The following LY75 variants were observed in gnomAD, a reference collection of about 807,000 sequenced individuals.
The protein encoded by LY75 is lymphocyte antigen 75.
LY75 carries 185 observed loss-of-function variants against 231.7 expected under a neutral mutation model. The ratio of observed to expected loss-of-function variants is 0.80; its 90% CI spans 0.71 to 0.90. LY75 has a LOEUF of 0.90. LY75 is among the 40% of genes least tolerant of loss of function. LY75 has a pLI of 0.00. For missense variants in LY75, 1,947 were observed against 2,050.2 expected, an observed-to-expected ratio of 0.95 and a Z score of 0.97; for synonymous variants, 668 against 689.0, an observed-to-expected ratio of 0.97 and a Z score of 0.48.
intron 12 of LY75, among the ~76,000 whole-genome samples, chr2:159,874,135 C>CGTATATATATTTTGTGAATATATATAAA: frequency 1.1e-5 from 1 of 92,086 alleles, no homozygotes; most frequent in East Asian, 3.7e-4. Context: ...AATATATAAA[C>CGTATATATATTTTGTGAATATATATAAA]GTATATATAT....
intron 23 of LY75, among the ~76,000 whole-genome samples, chr2:159,849,133 G>C (rs1684305040): frequency 6.6e-6 from 1 of 152,104 alleles, no homozygotes; most frequent in Non-Finnish European, 1.5e-5. Context: ...ATTGTACATA[G>C]TTACTCACGA....
In LY75 at chr2:159,875,432, A is replaced by G. The variant is rs777857901; in HGVS notation, c.1974+12T>C. ...AACTTCATTGAAGGATAGAATGAGA[A>G]TGTCACTTTACCTTATAACAAGAAA... On this transcript the variant is annotated intron_variant, in intron 12 of 34. Coordinates refer to ENST00000263636, the MANE Select transcript of LY75 (RefSeq NM_002349.4). 6.2e-7 allele frequency: 1 copy of G among 1,609,406 alleles called. No homozygotes were observed. The highest frequency in any genetic ancestry group is 1.7e-5 in the Admixed American group (1 of 58,844).
intron 12 of LY75, among the ~76,000 whole-genome samples, chr2:159,873,351 T>A (rs1685075797): frequency 6.6e-6 from 1 of 152,112 alleles, no homozygotes; most frequent in South Asian, 2.1e-4. Flanking sequence ...TGACTTACTG[T>A]GTTGATGGGA....
Position 159,815,546 on chromosome 2 carries a change from C to T in LY75, c.4408G>A (p.Asp1470Asn). ...DGSESSFEWS[D>N]GSTFDYIPWK... The stretch of plus-strand genomic sequence containing the variant: ...GGGATATAGTCAAATGTACTACCAT[C>T]AGACCATTCAAAACTTGATTCACTT... Residue 1470 changes from aspartate (D) to asparagine (N), a missense_variant, in exon 31 of 35, where the codon GAT becomes AAT. Coordinates refer to ENST00000263636, the MANE Select transcript of LY75 (RefSeq NM_002349.4). 6.2e-7 allele frequency: 1 copy of T among 1,612,832 alleles called. No homozygotes were observed. The highest frequency in any genetic ancestry group is 8.5e-7 in the Non-Finnish European group (1 of 1,179,780).
chr2:159,878,363 G>C lies in LY75; in HGVS notation c.1735C>G (p.Arg579Gly), dbSNP rs545499741. 6.2e-7 allele frequency: 1 copy of C among 1,613,974 alleles called. No homozygotes were observed. Among genetic ancestry groups the C allele is most frequent in the African/African-American group, 1.3e-5 (1 of 74,998 alleles). Reference sequence around the variant, plus strand: ...TTCCAGTTGGAAAAGGTTACAGCCCGCCTTCTTCCACCAACAGTTGCCCAG... The same window carrying C: ...TTCCAGTTGGAAAAGGTTACAGCCCCCCTTCTTCCACCAACAGTTGCCCAG... ...YNWATVGGRR[R>G]AVTFSNWNFL... Residue 579 changes from arginine (R) to glycine (G), a missense_variant, in exon 11 of 35, where the codon CGG becomes GGG. By Grantham distance (125) the Arg-to-Gly change is moderately radical. Coordinates refer to ENST00000263636, the MANE Select transcript of LY75 (RefSeq NM_002349.4).
chr2:159,817,151 G>A lies in LY75; in HGVS notation c.4154-119C>T, dbSNP rs1309668679. 5.7e-6 allele frequency: 6 copies of A among 1,045,682 alleles called. No individual in the cohort carries two copies. The East Asian group carries it at 1.6e-4, about 28-fold the overall frequency. The allele number at this position is 1,045,682 out of a possible 1,614,324, so 64.8% of individuals were successfully genotyped here. ...AAAACTGGGTTTCTTATTAATAAGGGAGGTCAAATGTATATTTTATTTTTC... is the reference window on the plus strand; with the variant it reads ...AAAACTGGGTTTCTTATTAATAAGGAAGGTCAAATGTATATTTTATTTTTC... On this transcript the variant is annotated intron_variant, in intron 29 of 34. Coordinates refer to ENST00000263636, the MANE Select transcript of LY75 (RefSeq NM_002349.4).
Position 159,890,306 on chromosome 2 carries a change from C to A in LY75, c.709G>T (p.Ala237Ser). The A allele has an allele frequency of 6.2e-7, 1 of 1,613,454 alleles. No homozygotes were observed. The highest frequency in any genetic ancestry group is 1.1e-5 in the South Asian group (1 of 91,076). Residue 237 changes from alanine (A) to serine (S), a missense_variant, in exon 4 of 35, where the codon GCT (alanine) becomes TCT (serine). Physicochemically the swap from Ala to Ser is moderately conservative, Grantham distance 99. Coordinates refer to ENST00000263636, the MANE Select transcript of LY75 (RefSeq NM_002349.4). ...GSCYQFNTQT[A>S]LSWKEAYVSC... is the part of the protein sequence containing the mutation. ...ACATAAGCTTCTTTCCAAGAAAGAG[C>A]CGTCTGAGTATTAAATTGGTAGCAA...
intron 1 of LY75, chr2:159,903,446 T>C (rs1282014256): frequency 6.6e-6 from 1 of 152,194 alleles, no homozygotes; most frequent in Non-Finnish European, 1.5e-5. Context: ...CTTTTGGTAG[T>C]TCCTAGCACA....
At chr2:159,870,616 T>C (rs1684983256) in intron 13 of LY75, among the ~76,000 whole-genome samples, 1 of 152,024 alleles carries the variant, frequency 6.6e-6, no homozygotes, top group African/African-American at 2.4e-5. Flanking sequence ...GTGATCCTCC[T>C]GACTCAGCCT....
chr2:159,874,083 C>A lies in LY75; in HGVS notation c.1974+1361G>T, dbSNP rs1405640708. On this transcript the variant is annotated intron_variant, in intron 12 of 34. Coordinates refer to ENST00000263636, the MANE Select transcript of LY75 (RefSeq NM_002349.4). ...TATATATTTTGTAAAAATATATAAA[C>A]GTATATATTTTGTAAATATATAAAC... 5.9e-5 allele frequency among the ~76,000 whole-genome samples: 3 copies of A among 51,106 alleles called. 1 individual carries two copies. The highest frequency in any genetic ancestry group is 8.2e-5 in the Non-Finnish European group (2 of 24,338). The allele number at this position is 51,106 out of a possible 152,430, so 33.5% of individuals were successfully genotyped here.
At chr2:159,879,684 T>C (rs1477383253) in intron 8 of LY75, among the ~76,000 whole-genome samples, 1 of 152,146 alleles carries the variant, frequency 6.6e-6, no homozygotes, top group Non-Finnish European at 1.5e-5. Context: ...AGTTCCAGCA[T>C]TCTAGTCTTC....
rs750645055 is a variant in LY75, at chr2:159,808,555, G to A, written c.4716C>T (p.Ile1572=). The A allele has an allele frequency of 3.7e-6, 6 of 1,613,440 alleles. No homozygotes were observed. Among genetic ancestry groups the A allele is most frequent in the Non-Finnish European group, 5.1e-6 (6 of 1,179,910 alleles). Residue 1572 remains isoleucine, a synonymous_variant, in exon 33 of 35, where the codon ATC becomes ATT. Coordinates refer to ENST00000263636, the MANE Select transcript of LY75 (RefSeq NM_002349.4). ...TCTCATCTTCATCTTTTATGGAAAC[G>A]ATAGTTGCAGAGTGATCTGTTGAAA... ...LCSKHDHSAT[I]VSIKDEDENK...
rs774428351 is a variant in LY75 at position 159,842,198 on chromosome 2, T to TATATATATATATATATAC, written c.3280+46_3280+47insGTATATATATATATATAT. The stretch of plus-strand genomic sequence containing the variant: ...GACTCTCTCTCTCTCTATATATATA[T>TATATATATATATATATAC]ATGTAATAGCATAAAGTACCATAGT... On this transcript the variant is annotated intron_variant, in intron 24 of 34. Coordinates refer to ENST00000263636, the MANE Select transcript of LY75 (RefSeq NM_002349.4). 1.6e-4 allele frequency: 252 copies of TATATATATATATATATAC among 1,572,224 alleles called. 1 individual carries two copies. In the African/African-American group the frequency reaches 1.7e-3, roughly 11 times the overall value.
At chr2:159,818,969 A>T (rs1026313816) in intron 29 of LY75, among the ~76,000 whole-genome samples, 2 of 152,228 alleles carry the variant, frequency 1.3e-5, no homozygotes, top group African/African-American at 4.8e-5. Flanking sequence ...GGGAACTGGG[A>T]GAAGGCCTAG....
intron 17 of LY75, 47 bp downstream of exon 17, chr2:159,854,857 G>T: frequency 6.2e-7 from 1 of 1,607,666 alleles, no homozygotes; most frequent in South Asian, 1.1e-5. Context: ...ATGCATTAGT[G>T]ACAAGGTAAA....
Position 159,898,768 on chromosome 2 carries a change from T to C in LY75, c.386A>G (p.His129Arg), listed in dbSNP as rs749399322. 2 of 1,614,252 alleles carry C rather than the reference T, an allele frequency of 1.2e-6. No homozygotes were observed. Among genetic ancestry groups the C allele is most frequent in the Non-Finnish European group, 8.5e-7 (1 of 1,180,034 alleles). The part of the protein sequence containing the change: ...ARYRLALKDG[H>R]GTAISNASDV... Reference sequence around the variant, plus strand: ...AGATGCATTTGAGATTGCTGTGCCATGTCCATCCTTCAGAGCCAGCCGGTA... The same window carrying C: ...AGATGCATTTGAGATTGCTGTGCCACGTCCATCCTTCAGAGCCAGCCGGTA... Residue 129 changes from histidine to arginine, a missense_variant, in exon 2 of 35, where the codon CAT (histidine) becomes CGT (arginine). Physicochemically the swap from His to Arg is conservative, Grantham distance 29. Transcript: ENST00000263636.
At chr2:159,850,819 A>G (rs1466376504) in intron 21 of LY75, among the ~76,000 whole-genome samples, 1 of 102,642 alleles carries the variant, frequency 9.7e-6, no homozygotes, top group African/African-American at 3.8e-5. Flanking sequence ...TATATAAGAT[A>G]TATATTGTAT....
At chr2:159,848,105 T>TACACAC in intron 23 of LY75, among the ~76,000 whole-genome samples, 1 of 133,356 alleles carries the variant, frequency 7.5e-6, no homozygotes, top group East Asian at 2.4e-4. Context: ...CACACACACA[T>TACACAC]ACACACACCA....
chr2:159,903,182 C>A (rs1207547161), intron 1 of LY75: 3 of 152,162 alleles, frequency 2.0e-5, no homozygotes, highest in African/African-American at 7.2e-5. Flanking sequence ...CAGAGTTAAA[C>A]CTGGTGCTTT....
Sources: gnomAD v4.1 joint callset for allele counts (sites outside exome capture counted in the v4.1 genomes callset) on GRCh38, gnomAD v4.1.1 for gene constraint, MANE v1.5 for transcripts, NCBI Gene and HGNC (gene_info 2026-07-23, HGNC 2026-07-21) for gene names.